Variants in CCDC148 observed in about 807,000 individuals in gnomAD.
CCDC148 encodes the protein coiled-coil domain-containing protein 148.
Under a neutral mutation model 85.7 loss-of-function variants are expected in CCDC148, and 89 were observed. That is an observed-to-expected ratio of 1.04 (90% CI 0.87 to 1.24). CCDC148 has a LOEUF of 1.24. Ranked by LOEUF, CCDC148 falls within the 50% of genes most tolerant of loss-of-function variation. The pLI, the probability that CCDC148 is intolerant of heterozygous loss-of-function variation, is 0.00. For synonymous variants in CCDC148, 230 were observed against 213.9 expected (o/e 1.08, Z -0.66); for missense variants, 692 against 671.7 (o/e 1.03, Z -0.33).
intron 1 of CCDC148, among the ~76,000 whole-genome samples, chr2:158,412,849 T>C (rs1390895191): frequency 1.4e-5 from 2 of 138,650 alleles, no homozygotes; most frequent in East Asian, 3.9e-4. Flanking sequence ...TTATTATTAT[T>C]ATTATTATTA....
chr2:158,334,195 G>A (rs1295531801), intron 7 of CCDC148, among the ~76,000 whole-genome samples: 1 of 152,134 alleles, frequency 6.6e-6, no homozygotes, highest in Non-Finnish European at 1.5e-5. Context: ...AGCAGTTTAT[G>A]AATTATGGTT....
intron 1 of CCDC148, among the ~76,000 whole-genome samples, chr2:158,381,746 C>G (rs377107026): frequency 4.6e-5 from 7 of 152,058 alleles, no homozygotes; most frequent in African/African-American, 1.4e-4. Flanking sequence ...AAAAACTAGC[C>G]GAGTGTGGTG....
rs909364497 is a variant in CCDC148, at chr2:158,340,177, C to T, written c.486+65G>A. 4 of 1,475,834 alleles carry T rather than the reference C, an allele frequency of 2.7e-6. 1 individual carries two copies. The African/African-American group carries it at 5.6e-5, about 21-fold the overall frequency. The allele number at this position is 1,475,834 out of a possible 1,614,324, so 91.4% of individuals were successfully genotyped here. On this transcript the variant is annotated intron_variant, in intron 5 of 13. Coordinates refer to ENST00000283233, the MANE Select transcript of CCDC148 (RefSeq NM_138803.4). ...GGTCACACATGTTTGTTTCTTATCT[C>T]AAACTCTTCTAGTTGGGACAAAAAT...
intron 13 of CCDC148, 148 bp downstream of exon 13, chr2:158,176,373 T>C (rs1039160874): frequency 1.5e-6 from 1 of 668,998 alleles, no homozygotes; most frequent in Non-Finnish European, 2.4e-6. Context: ...GTAGTAATTA[T>C]GTACTATCAT....
At position 158,250,763 on chromosome 2, in the gene CCDC148, A is replaced by AT. The variant is rs1233110563; in HGVS notation, c.1251+8dup. On this transcript the variant is annotated intron_variant, in intron 10 of 13. Coordinates refer to ENST00000283233, the MANE Select transcript of CCDC148 (RefSeq NM_138803.4). ...ATTCACACATTCGTATTGACAATAG[A>AT]TTTTTTACTTTTTTTTTCTTCTCTG... The AT allele has an allele frequency of 3.3e-6, 5 of 1,535,902 alleles. No homozygotes were observed. The Admixed American group carries it at 1.0e-4, about 31-fold the overall frequency.
intron 9 of CCDC148, among the ~76,000 whole-genome samples, chr2:158,279,337 G>C (rs1294167517): frequency 1.3e-5 from 2 of 152,126 alleles, no homozygotes; most frequent in African/African-American, 2.4e-5. Flanking sequence ...CGAGCTACAG[G>C]AGGAAATTCA....
At chr2:158,281,644 C>T (rs1413570100) in intron 9 of CCDC148, among the ~76,000 whole-genome samples, 3 of 152,114 alleles carry the variant, frequency 2.0e-5, no homozygotes, top group Non-Finnish European at 4.4e-5. Context: ...AACAGCTTAC[C>T]AACCAAAAAG....
At position 158,348,664 on chromosome 2, in the gene CCDC148, T is replaced by A. The variant is rs1016701409; in HGVS notation, c.148-3346A>T. Among the ~76,000 whole-genome samples the A allele has an allele frequency of 2.6e-5, 4 of 151,986 alleles. No individual in the cohort carries two copies. In the East Asian group the frequency reaches 5.8e-4, roughly 22 times the overall value. On this transcript the variant is annotated intron_variant, in intron 2 of 13. Transcript: ENST00000283233. The stretch of plus-strand genomic sequence containing the variant: ...GGTGAAATATTATGATGTCTGTGAT[T>A]TGCTTCAAAACAATCTGGCACAGGG...
chr2:158,191,590 T>TA (rs143217320), intron 11 of CCDC148, among the ~76,000 whole-genome samples: 8,518 of 151,986 alleles, frequency 0.056, 805 homozygotes, highest in African/African-American at 0.19. Context: ...AAACATGCTT[T>TA]AAAAAAACAA....
intron 9 of CCDC148, among the ~76,000 whole-genome samples, chr2:158,253,366 T>C (rs1401271495): frequency 2.0e-5 from 3 of 151,688 alleles, no homozygotes; most frequent in East Asian, 3.9e-4. Flanking sequence ...TGGCCATTCC[T>C]ATTCTTAGCT....
At chr2:158,352,166 T>C (rs9677561) in intron 2 of CCDC148, among the ~76,000 whole-genome samples, 49,155 of 144,910 alleles carry the variant, frequency 0.34, 8,550 homozygotes, top group African/African-American at 0.43. Context: ...AAAAGCAGAG[T>C]GCCTCTCCTC....
chr2:158,353,843 C>CA (rs1361802557), intron 2 of CCDC148, among the ~76,000 whole-genome samples: 1 of 152,120 alleles, frequency 6.6e-6, no homozygotes, highest in African/African-American at 2.4e-5. Flanking sequence ...CTCTCCTCAG[C>CA]AAATGTAAAA....
At chr2:158,400,642 G>A (rs778701359) in intron 1 of CCDC148, among the ~76,000 whole-genome samples, 1 of 152,154 alleles carries the variant, frequency 6.6e-6, no homozygotes, top group Non-Finnish European at 1.5e-5. Context: ...CAGGACATAG[G>A]TATGGGGAAA....
chr2:158,258,696 A>G lies in CCDC148; in HGVS notation c.1111-7784T>C, dbSNP rs1689103253. Among the ~76,000 whole-genome samples the G allele has an allele frequency of 2.0e-5, 3 of 151,700 alleles. No homozygotes were observed. The South Asian group carries it at 6.2e-4, about 32-fold the overall frequency. On this transcript the variant is annotated intron_variant, in intron 9 of 13. Transcript: ENST00000283233. The stretch of plus-strand genomic sequence containing the variant: ...TTCCCACTGTCTCTTAAACCCATTC[A>G]GTTCTCTCTATCTCCATAACCACCA...
At position 158,178,971 on chromosome 2, in the gene CCDC148, C is replaced by T; in HGVS notation, c.1396G>A (p.Glu466Lys). The T allele has an allele frequency of 6.2e-7, 1 of 1,613,112 alleles. No homozygotes were observed. The highest frequency in any genetic ancestry group is 8.5e-7 in the Non-Finnish European group (1 of 1,179,528). Residue 466 changes from glutamate (E) to lysine (K), a missense_variant, in exon 12 of 14, where the codon GAA becomes AAA. Glu to Lys is a moderately conservative substitution (Grantham distance 56, BLOSUM62 1). Coordinates refer to ENST00000283233, the MANE Select transcript of CCDC148 (RefSeq NM_138803.4). ...TCCTTTTTCTCCATCAAACGCCTTT[C>T]CAATAATTCTTGTCTATATTTAACC... The part of the protein sequence containing the change: ...ERVKYRQELL[E>K]RRLMEKKEVA...
chr2:158,328,001 A>G (rs924305462), intron 7 of CCDC148, among the ~76,000 whole-genome samples: 18 of 151,584 alleles, frequency 1.2e-4, no homozygotes, highest in African/African-American at 4.4e-4. Flanking sequence ...ATACCCAGCC[A>G]TCTTACTAAA....
chr2:158,298,215 C>T (rs1267766208), intron 9 of CCDC148, among the ~76,000 whole-genome samples: 1 of 152,158 alleles, frequency 6.6e-6, no homozygotes, highest in East Asian at 1.9e-4. Context: ...GTCCCTCCCA[C>T]AACATGTGGG....
intron 1 of CCDC148, among the ~76,000 whole-genome samples, chr2:158,451,053 C>T (rs1688386345): frequency 6.6e-6 from 1 of 152,086 alleles, no homozygotes; most frequent in Admixed American, 6.6e-5. Flanking sequence ...TCACTGATTT[C>T]TTGTTCTGCC....
In CCDC148 at chr2:158,333,588, C is replaced by T. The variant is rs550187909; in HGVS notation, c.764+5138G>A. 6.6e-5 allele frequency among the ~76,000 whole-genome samples: 10 copies of T among 152,166 alleles called. No individual in the cohort carries two copies. In the East Asian group the frequency reaches 1.4e-3, roughly 21 times the overall value. On this transcript the variant is annotated intron_variant, in intron 7 of 13. Coordinates refer to ENST00000283233, the MANE Select transcript of CCDC148 (RefSeq NM_138803.4). ...GGATATCCTTGTTAACTTTCTGTCTCGTTGATCTTTCTAATATTGACAGTG... is the reference window on the plus strand; with the variant it reads ...GGATATCCTTGTTAACTTTCTGTCTTGTTGATCTTTCTAATATTGACAGTG...
Sources: gnomAD v4.1 joint callset for allele counts (sites outside exome capture counted in the v4.1 genomes callset) on GRCh38, gnomAD v4.1.1 for gene constraint, MANE v1.5 for transcripts, NCBI Gene and HGNC (gene_info 2026-07-23, HGNC 2026-07-21) for gene names.